Variants in KLRG1 observed in about 807,000 individuals in gnomAD.
KLRG1 encodes killer cell lectin like receptor G1.
A neutral mutation model predicts 21.8 loss-of-function variants in KLRG1; 16 were observed. The observed-to-expected ratio is 0.73, with a 90% CI of 0.50 to 1.11. KLRG1 has a LOEUF of 1.11. Among genes scored for constraint, KLRG1 ranks in the 50% most tolerant of loss-of-function variants. The pLI is 0.00. For synonymous variants in KLRG1, 69 were observed against 75.9 expected (o/e 0.91, Z 0.47); for missense variants, 173 against 218.3 (o/e 0.79, Z 1.31).
chr12:9,067,316 A>T, the KLRG1 span: 1 of 198,266 alleles, frequency 5.0e-6, no homozygotes, highest in African/African-American at 2.4e-5. Flanking sequence ...GTAACATAGG[A>T]CACATCACTC....
chr12:9,118,511 A>G, the KLRG1 span, among the ~76,000 whole-genome samples: 1 of 152,250 alleles, frequency 6.6e-6, no homozygotes, highest in Non-Finnish European at 1.5e-5. Context: ...CAAACCAGGC[A>G]CAGCCTGAGC....
At chr12:9,208,835 G>A in the KLRG1 span, among the ~76,000 whole-genome samples, 1 of 152,122 alleles carries the variant, frequency 6.6e-6, no homozygotes, top group Non-Finnish European at 1.5e-5. Flanking sequence ...GGTCCTGGAA[G>A]AAAGTGATAT....
At chr12:9,192,392 G>A in the KLRG1 span, 2 of 1,265,264 alleles carry the variant, frequency 1.6e-6, no homozygotes, top group Non-Finnish European at 1.1e-6. Flanking sequence ...TGGAATGAAG[G>A]ACGCACAACA....
At chr12:8,956,088 C>A (rs1946287792) in intron 1 of KLRG1, among the ~76,000 whole-genome samples, 1 of 152,190 alleles carries the variant, frequency 6.6e-6, no homozygotes. Context: ...GTCCTCTCTG[C>A]CTTGGTTACT....
At chr12:9,167,895 T>G in the KLRG1 span, among the ~76,000 whole-genome samples, 1 of 152,224 alleles carries the variant, frequency 6.6e-6, no homozygotes, top group African/African-American at 2.4e-5. Flanking sequence ...TTATTCTCGT[T>G]ATTTATATAA....
At chr12:9,157,670 C>A in the KLRG1 span, 2 of 1,130,262 alleles carry the variant, frequency 1.8e-6, no homozygotes, top group South Asian at 2.8e-5. Flanking sequence ...CATCATTGAA[C>A]CAAAAGATAC....
At chr12:8,957,497 T>A (rs10771238) in intron 1 of KLRG1, among the ~76,000 whole-genome samples, 125,255 of 151,960 alleles carry the variant, frequency 0.82, 51,997 homozygotes, top group Admixed American at 0.85. Context: ...CTCGGAATAC[T>A]TGTTTTGTTT....
At chr12:9,112,202 C>T in the KLRG1 span, 401 of 1,613,778 alleles carry the variant, frequency 2.5e-4, no homozygotes, top group African/African-American at 4.3e-4. Context: ...GGAGACAACA[C>T]GAAATTTCAC....
chr12:9,149,532 A>G, the KLRG1 span: 2 of 1,601,108 alleles, frequency 1.2e-6, no homozygotes, highest in Non-Finnish European at 8.5e-7. Flanking sequence ...AATGCCATCT[A>G]GTACTGGTCA....
At chr12:9,143,610 A>C in the KLRG1 span, among the ~76,000 whole-genome samples, 11 of 152,286 alleles carry the variant, frequency 7.2e-5, no homozygotes, top group African/African-American at 2.6e-4. Flanking sequence ...CTGAATATTC[A>C]GGCAAGAACC....
chr12:9,165,040 C>T, the KLRG1 span: 1 of 1,416,256 alleles, frequency 7.1e-7, no homozygotes, highest in Non-Finnish European at 9.9e-7. Context: ...CACACAATCC[C>T]TTGAATTATC....
chr12:8,996,886 G>C (rs1253531116), intron 3 of KLRG1, among the ~76,000 whole-genome samples: 1 of 152,174 alleles, frequency 6.6e-6, no homozygotes, highest in Non-Finnish European at 1.5e-5. Flanking sequence ...CCATGAACTT[G>C]AAACATTGAG....
chr12:9,110,375 A>T, the KLRG1 span: 4 of 1,239,980 alleles, frequency 3.2e-6, no homozygotes, highest in African/African-American at 6.2e-5. Context: ...ATTATTTTCA[A>T]ATATTCTTAA....
At chr12:9,027,689 G>A in the KLRG1 span, 4 of 1,069,416 alleles carry the variant, frequency 3.7e-6, no homozygotes, top group South Asian at 3.8e-5. Flanking sequence ...AAAACTGATT[G>A]TTGTAATTGC....
the KLRG1 span, among the ~76,000 whole-genome samples, chr12:9,044,528 G>A: frequency 6.3e-4 from 96 of 152,176 alleles, no homozygotes; most frequent in Non-Finnish European, 1.0e-3. Context: ...TGAGCCAGGC[G>A]TGGTGGCGTG....
At chr12:9,131,819 A>G in the KLRG1 span, among the ~76,000 whole-genome samples, 7 of 152,002 alleles carry the variant, frequency 4.6e-5, no homozygotes, top group African/African-American at 1.7e-4. Context: ...TTTCTAAGAT[A>G]TAACTCTTGA....
chr12:9,189,876 C>T, the KLRG1 span, among the ~76,000 whole-genome samples: 1 of 152,070 alleles, frequency 6.6e-6, no homozygotes, highest in Admixed American at 6.6e-5. Flanking sequence ...ATGTGGCCAA[C>T]AAGCCAATGA....
chr12:9,068,017 C>G, the KLRG1 span: 1 of 984,648 alleles, frequency 1.0e-6, no homozygotes, highest in African/African-American at 1.6e-5. Context: ...TGAGGTTTGA[C>G]AGAGTCAGCG....
the KLRG1 span, among the ~76,000 whole-genome samples, chr12:9,056,565 G>A: frequency 6.7e-6 from 1 of 148,240 alleles, no homozygotes; most frequent in Admixed American, 6.7e-5. Flanking sequence ...TACTTGGGGG[G>A]TGTGTGTGTG....
Sources: gnomAD v4.1 joint callset for allele counts (sites outside exome capture counted in the v4.1 genomes callset) on GRCh38, gnomAD v4.1.1 for gene constraint, MANE v1.5 for transcripts, NCBI Gene and HGNC (gene_info 2026-07-23, HGNC 2026-07-21) for gene names.